FAT3: variants seen among roughly 807,000 people sequenced by gnomAD.
FAT3 encodes protocadherin Fat 3.
A neutral mutation model predicts 310.2 loss-of-function variants in FAT3; 95 were observed. That is an observed-to-expected ratio of 0.31 (90% confidence interval 0.26 to 0.36). FAT3 has a LOEUF of 0.36. FAT3 is among the 10% of genes least tolerant of loss of function. The pLI is 1.00. For synonymous variants in FAT3, 2,314 were observed against 2,192.9 expected, an observed-to-expected ratio of 1.06 and a Z score of -1.54; for missense variants, 5,408 against 5,715.6, an observed-to-expected ratio of 0.95 and a Z score of 1.74.
chr11:92,644,200 T>C (rs1942063515), intron 3 of FAT3, among the ~76,000 whole-genome samples: 2 of 152,258 alleles, frequency 1.3e-5, no homozygotes, highest in African/African-American at 4.8e-5. Flanking sequence ...ATATAGCATC[T>C]CTTTTTAGTA....
At chr11:92,711,641 A>G (rs1944524906) in intron 4 of FAT3, among the ~76,000 whole-genome samples, 1 of 152,322 alleles carries the variant, frequency 6.6e-6, no homozygotes, top group South Asian at 2.1e-4. Flanking sequence ...ACCTTATAGC[A>G]TTTACCTACT....
intron 3 of FAT3, among the ~76,000 whole-genome samples, chr11:92,638,066 G>A (rs1941832074): frequency 6.6e-6 from 1 of 152,176 alleles, no homozygotes; most frequent in African/African-American, 2.4e-5. Context: ...ACAGTCATGT[G>A]GAAGTCTGAA....
intron 3 of FAT3, among the ~76,000 whole-genome samples, chr11:92,671,950 A>G (rs554990687): frequency 6.6e-6 from 1 of 152,194 alleles, no homozygotes; most frequent in African/African-American, 2.4e-5. Context: ...TACTAAAAAT[A>G]CAAAAAATAA....
chr11:92,443,488 C>T (rs568722344), intron 2 of FAT3, among the ~76,000 whole-genome samples: 5 of 152,220 alleles, frequency 3.3e-5, no homozygotes, highest in African/African-American at 1.2e-4. Flanking sequence ...TGATTTAAGC[C>T]CTTGACTTGG....
intron 1 of FAT3, among the ~76,000 whole-genome samples, chr11:92,343,798 T>C (rs1948337694): frequency 6.6e-6 from 1 of 152,184 alleles, no homozygotes; most frequent in Non-Finnish European, 1.5e-5. Context: ...ATTTGTACCC[T>C]ATGATATGGT....
intron 2 of FAT3, among the ~76,000 whole-genome samples, chr11:92,485,898 C>CT (rs139427232): frequency 0.038 from 5,758 of 152,148 alleles, 357 homozygotes; most frequent in African/African-American, 0.13. Context: ...CTCTGTGAAT[C>CT]TTTTTCTAGA....
chr11:92,398,396 G>C (rs1432916611), intron 2 of FAT3, among the ~76,000 whole-genome samples: 1 of 151,680 alleles, frequency 6.6e-6, no homozygotes, highest in Non-Finnish European at 1.5e-5. Flanking sequence ...AGCTACTTGG[G>C]AGGCTGAGGC....
intron 2 of FAT3, among the ~76,000 whole-genome samples, chr11:92,431,222 A>G (rs182536005): frequency 1.1e-4 from 16 of 152,328 alleles, no homozygotes; most frequent in African/African-American, 3.8e-4. Flanking sequence ...GTGAGATGAT[A>G]TCTCATTGTG....
intron 2 of FAT3, among the ~76,000 whole-genome samples, chr11:92,457,549 A>G (rs540297940): frequency 3.0e-4 from 46 of 152,334 alleles, no homozygotes; most frequent in African/African-American, 1.1e-3. Context: ...CTTAAAAAAA[A>G]TCTATTAAAA....
intron 1 of FAT3, among the ~76,000 whole-genome samples, chr11:92,349,696 C>T (rs1285741940): frequency 6.6e-6 from 1 of 152,216 alleles, no homozygotes; most frequent in African/African-American, 2.4e-5. Context: ...TGTCCACAGG[C>T]TGCCTGTTCC....
At chr11:92,446,002 C>T (rs965181728) in intron 2 of FAT3, among the ~76,000 whole-genome samples, 6 of 152,134 alleles carry the variant, frequency 3.9e-5, no homozygotes, top group East Asian at 3.8e-4. Context: ...ACTCTTAATT[C>T]GTTTGCTAAT....
At chr11:92,379,193 A>G (rs931534538) in intron 2 of FAT3, among the ~76,000 whole-genome samples, 7 of 152,260 alleles carry the variant, frequency 4.6e-5, no homozygotes, top group Admixed American at 1.3e-4. Context: ...CTTGTTCCAC[A>G]AGTGATTTTG....
intron 4 of FAT3, among the ~76,000 whole-genome samples, chr11:92,718,201 A>G (rs1289595107): frequency 6.6e-6 from 1 of 152,124 alleles, no homozygotes; most frequent in East Asian, 1.9e-4. Context: ...CCTTCAACTA[A>G]ACTTTGGTTG....
At position 92,582,196 on chromosome 11, in the gene FAT3, G is replaced by T. The variant is rs183492930; in HGVS notation, c.3607+57248G>T. Among the ~76,000 whole-genome samples the T allele has an allele frequency of 7.2e-5, 11 of 151,924 alleles. No individual in the cohort carries two copies. The East Asian group carries it at 2.1e-3, about 30-fold the overall frequency. On this transcript the variant is annotated intron_variant, in intron 3 of 27. Coordinates refer to ENST00000525166, the MANE Select transcript of FAT3 (RefSeq NM_001367949.2). Reference sequence around the variant, plus strand: ...TCTTCGTCTTGGTGGGCTTTGGCTGGCTTCTTTATTGCAACCTGTTTTATC... The same window carrying T: ...TCTTCGTCTTGGTGGGCTTTGGCTGTCTTCTTTATTGCAACCTGTTTTATC...
intron 3 of FAT3, among the ~76,000 whole-genome samples, chr11:92,597,352 T>A (rs1939763862): frequency 6.6e-6 from 1 of 152,234 alleles, no homozygotes; most frequent in African/African-American, 2.4e-5. Context: ...GATTCATAGC[T>A]GAGGAAATGG....
chr11:92,692,959 A>G (rs1943837997), intron 3 of FAT3, among the ~76,000 whole-genome samples: 1 of 152,190 alleles, frequency 6.6e-6, no homozygotes, highest in Non-Finnish European at 1.5e-5. Flanking sequence ...AAATCAGGGA[A>G]AAGAAGTCAT....
chr11:92,575,039 CT>C (rs1938400782), intron 3 of FAT3, among the ~76,000 whole-genome samples: 1 of 152,160 alleles, frequency 6.6e-6, no homozygotes, highest in African/African-American at 2.4e-5. Flanking sequence ...AACATTATGC[CT>C]TATGTCTGAC....
chr11:92,851,536 C>T (rs902955626), intron 19 of FAT3, among the ~76,000 whole-genome samples: 1 of 152,174 alleles, frequency 6.6e-6, no homozygotes, highest in Non-Finnish European at 1.5e-5. Flanking sequence ...GTTTACTTAT[C>T]TTACTACCCC....
Position 92,524,636 on chromosome 11 carries a change from G to T in FAT3, c.3295G>T (p.Val1099Phe), listed in dbSNP as rs770864190. The T allele has an allele frequency of 2.5e-6, 4 of 1,610,550 alleles. No homozygotes were observed. Among genetic ancestry groups the T allele is most frequent in the East Asian group, 2.2e-5 (1 of 44,830 alleles). Reference protein sequence around the residue: ...GRFSIDDESGVITAADILDRE... With the variant: ...GRFSIDDESGFITAADILDRE... Reference sequence around the variant, plus strand: ...AACACTTCTCTTTTTTGTCTCAGGGGTCATCACTGCCGCAGACATTCTTGA... The same window carrying T: ...AACACTTCTCTTTTTTGTCTCAGGGTTCATCACTGCCGCAGACATTCTTGA... The change falls in exon 3 of 28, where the codon GTC becomes TTC. Residue 1099 changes from valine to phenylalanine, a missense_variant and splice_region_variant. Val to Phe is a conservative substitution (Grantham distance 50). Around this residue, in one of 5 missense-constraint regions of FAT3, gnomAD observed 4,588 missense variants for 4,809.8 expected, o/e 0.95. Coordinates refer to ENST00000525166, the MANE Select transcript of FAT3 (RefSeq NM_001367949.2).
Sources: gnomAD v4.1 joint callset for allele counts (sites outside exome capture counted in the v4.1 genomes callset) on GRCh38, gnomAD v4.1.1 for gene constraint, gnomAD v4.1.1 regional missense constraint, MANE v1.5 for transcripts, NCBI Gene and HGNC (gene_info 2026-07-23, HGNC 2026-07-21) for gene names.